The following OSBPL1A variants were observed in gnomAD, a reference collection of about 807,000 sequenced individuals.
The protein encoded by OSBPL1A is oxysterol binding protein like 1A, also known as oxysterol-binding protein-related protein 1.
OSBPL1A carries 80 observed loss-of-function variants against 137.1 expected under a neutral mutation model. The ratio of observed to expected loss-of-function variants is 0.58; its 90% CI spans 0.49 to 0.70. The LOEUF is 0.70. Among genes scored for constraint, OSBPL1A ranks in the 30% least tolerant of loss-of-function variants. OSBPL1A has a pLI of 0.00. For missense variants in OSBPL1A, 970 were observed against 1,129.4 expected (o/e 0.86, Z 2.02); for synonymous variants, 365 against 389.7 (o/e 0.94, Z 0.75).
At chr18:24,333,360 G>A (rs2091118566) in intron 6 of OSBPL1A, among the ~76,000 whole-genome samples, 2 of 152,156 alleles carry the variant, frequency 1.3e-5, no homozygotes, top group African/African-American at 4.8e-5. Context: ...ACACACCTCA[G>A]ACACTAAGAT....
intron 16 of OSBPL1A, among the ~76,000 whole-genome samples, chr18:24,228,927 G>A (rs371119943): frequency 4.6e-5 from 7 of 152,292 alleles, no homozygotes; most frequent in African/African-American, 9.6e-5. Flanking sequence ...CAGGCTGGGC[G>A]CGGTGGCTCA....
chr18:24,395,660 G>A (rs986647361), intron 1 of OSBPL1A, among the ~76,000 whole-genome samples: 7 of 150,720 alleles, frequency 4.6e-5, no homozygotes, highest in Admixed American at 1.3e-4. Context: ...CGCTCTTGTC[G>A]CCCAGGCTGC....
rs544787607 is a variant in OSBPL1A at position 24,297,201 on chromosome 18, GTT to G, written c.1174+6434_1174+6435del. ...TATTACTGGTCTGCTCAGGGTTTCTGTTTTTTCCTGGCTTAATCTGGGAGGAT... is the reference window on the plus strand; with the variant it reads ...TATTACTGGTCTGCTCAGGGTTTCTGTTTTCCTGGCTTAATCTGGGAGGAT... On this transcript the variant is annotated intron_variant, in intron 14 of 27. Coordinates refer to ENST00000319481, the MANE Select transcript of OSBPL1A (RefSeq NM_080597.4). Among the ~76,000 whole-genome samples the G allele has an allele frequency of 2.6e-5, 4 of 152,078 alleles. No individual in the cohort carries two copies. The East Asian group carries it at 7.7e-4, about 29-fold the overall frequency.
intron 21 of OSBPL1A, among the ~76,000 whole-genome samples, chr18:24,175,109 T>TATATATATATATATATAC (rs2086397669): frequency 3.7e-4 from 5 of 13,432 alleles, no homozygotes; most frequent in East Asian, 3.7e-3. Flanking sequence ...CATGTGTATG[T>TATATATATATATATATAC]ATATATATAT....
At chr18:24,293,124 A>AAAAAG (rs1222970199) in intron 14 of OSBPL1A, among the ~76,000 whole-genome samples, 4 of 91,194 alleles carry the variant, frequency 4.4e-5, no homozygotes, top group Admixed American at 1.1e-4. Flanking sequence ...AAAAAAAAAA[A>AAAAAG]AAAAGAAAAG....
In OSBPL1A at chr18:24,317,177, C is replaced by T. The variant is rs1183222246; in HGVS notation, c.842G>A (p.Cys281Tyr). Residue 281 changes from cysteine (C) to tyrosine (Y), a missense_variant, in exon 11 of 28, where the codon TGC (cysteine) becomes TAC (tyrosine). Cys to Tyr is a radical substitution (Grantham distance 194). Around this residue, in one of 2 missense-constraint regions of OSBPL1A, gnomAD observed 647 missense variants for 672.6 expected, o/e 0.96. Transcript: ENST00000319481. ...GCATACTGCTTGAGTCAGGTGTTTG[C>T]ATCCCTGGCGATAAATATTATGAAC... Reference protein sequence around the residue: ...DAVHNIYRQGCKHLTQAVCTV... With the variant: ...DAVHNIYRQGYKHLTQAVCTV... 1 of 1,613,780 alleles carries T rather than the reference C, an allele frequency of 6.2e-7. No individual in the cohort carries two copies. Among genetic ancestry groups the T allele is most frequent in the East Asian group, 2.2e-5 (1 of 44,836 alleles).
chr18:24,218,089 T>C (rs1468293416), intron 17 of OSBPL1A, among the ~76,000 whole-genome samples: 1 of 152,210 alleles, frequency 6.6e-6, no homozygotes, highest in East Asian at 1.9e-4. Context: ...AGGCAGTATG[T>C]AGAACTTTGG....
At chr18:24,232,740 T>C (rs2088320558) in intron 16 of OSBPL1A, among the ~76,000 whole-genome samples, 1 of 152,228 alleles carries the variant, frequency 6.6e-6, no homozygotes. Flanking sequence ...TTCATGTGAC[T>C]TCGATGTAAT....
chr18:24,196,312 T>C, intron 17 of OSBPL1A, 112 bp from the exon 18 acceptor site: 1 of 729,400 alleles, frequency 1.4e-6, no homozygotes, highest in Non-Finnish European at 2.3e-6. Context: ...CCTTTAAAAA[T>C]GTGTGTCATC....
At chr18:24,171,278 C>G (rs1445099091) in intron 23 of OSBPL1A, 131 bp downstream of exon 23, 1 of 620,630 alleles carries the variant, frequency 1.6e-6, no homozygotes, top group African/African-American at 1.9e-5. Context: ...GTGATCTGCC[C>G]ACCTCAGCCT....
intron 21 of OSBPL1A, among the ~76,000 whole-genome samples, chr18:24,175,109 T>TATATATATATATATATATATATAC (rs2086398056): frequency 1.5e-4 from 2 of 13,424 alleles, no homozygotes; most frequent in Non-Finnish European, 9.0e-4. Flanking sequence ...CATGTGTATG[T>TATATATATATATATATATATATAC]ATATATATAT....
At chr18:24,335,591 A>G (rs2091161792) in intron 5 of OSBPL1A, among the ~76,000 whole-genome samples, 1 of 152,222 alleles carries the variant, frequency 6.6e-6, no homozygotes, top group Non-Finnish European at 1.5e-5. Context: ...CGACTTGGTG[A>G]TCCCACTAAA....
At chr18:24,395,080 T>G (rs1907644279) in intron 1 of OSBPL1A, among the ~76,000 whole-genome samples, 1 of 152,192 alleles carries the variant, frequency 6.6e-6, no homozygotes. Flanking sequence ...CTATACAGAT[T>G]ACCTGACAGT....
chr18:24,364,196 A>T (rs935348816), intron 4 of OSBPL1A, among the ~76,000 whole-genome samples: 4 of 152,232 alleles, frequency 2.6e-5, no homozygotes, highest in Non-Finnish European at 5.9e-5. Flanking sequence ...TGAAAACAAA[A>T]GAACTGGAGT....
At chr18:24,225,267 T>C in intron 16 of OSBPL1A, 69 bp from the exon 17 acceptor site, 1 of 1,548,422 alleles carries the variant, frequency 6.5e-7, no homozygotes, top group Non-Finnish European at 8.9e-7. Context: ...AATGGATCCC[T>C]CCCTTCATGC....
chr18:24,385,274 C>T (rs1298272145), intron 1 of OSBPL1A, among the ~76,000 whole-genome samples: 1 of 152,140 alleles, frequency 6.6e-6, no homozygotes, highest in Non-Finnish European at 1.5e-5. Flanking sequence ...AATTTAAATA[C>T]CAGCTACATA....
intron 17 of OSBPL1A, among the ~76,000 whole-genome samples, chr18:24,221,559 C>T (rs113957625): frequency 3.1e-4 from 47 of 152,286 alleles, no homozygotes; most frequent in Middle Eastern, 3.4e-3. Context: ...ACATTTTCTT[C>T]CAAAGTATTT....
At chr18:24,312,176 T>A in intron 12 of OSBPL1A, 70 bp from the exon 13 acceptor site, 1 of 1,567,748 alleles carries the variant, frequency 6.4e-7, no homozygotes, top group Admixed American at 1.8e-5. Flanking sequence ...ATTACAATGA[T>A]CTGATAAGCA....
At chr18:24,331,644 C>T (rs1432086965) in intron 7 of OSBPL1A, among the ~76,000 whole-genome samples, 2 of 150,752 alleles carry the variant, frequency 1.3e-5, no homozygotes, top group Non-Finnish European at 2.9e-5. Flanking sequence ...GATCCGCCCG[C>T]CTCGGCCTCC....
Sources: gnomAD v4.1 joint callset for allele counts (sites outside exome capture counted in the v4.1 genomes callset) on GRCh38, gnomAD v4.1.1 for gene constraint, gnomAD v4.1.1 regional missense constraint, MANE v1.5 for transcripts, NCBI Gene and HGNC (gene_info 2026-07-23, HGNC 2026-07-21) for gene names.